Variants in LDHB observed in about 807,000 individuals in gnomAD.
LDHB encodes the protein lactate dehydrogenase B.
Under a neutral mutation model 33.4 loss-of-function variants are expected in LDHB, and 18 were observed. The ratio of observed to expected loss-of-function variants is 0.54; its 90% confidence interval spans 0.37 to 0.80. The LOEUF (loss-of-function observed/expected upper bound fraction) is 0.80. LDHB is among the 30% of genes least tolerant of loss of function. The pLI is 0.00. For missense variants in LDHB, 345 were observed against 407.9 expected, an observed-to-expected ratio of 0.85 and a Z score of 1.33; for synonymous variants, 121 against 140.6, an observed-to-expected ratio of 0.86 and a Z score of 0.98.
chr12:21,641,760 A>C (rs1404587643), intron 5 of LDHB, among the ~76,000 whole-genome samples, 192 bp downstream of exon 5: 1 of 152,182 alleles, frequency 6.6e-6, no homozygotes, highest in East Asian at 1.9e-4. Flanking sequence ...AGGTAAAGAT[A>C]GATGATAGGT....
intron 4 of LDHB, chr12:21,643,653 T>C (rs1229865397): frequency 2.5e-6 from 1 of 404,776 alleles, no homozygotes; most frequent in East Asian, 4.3e-5. Context: ...CCCAGGATAA[T>C]CTTTATAAAA....
chr12:21,635,587 A>G lies in LDHB; in HGVS notation c.960T>C (p.Ser320=), dbSNP rs774694428. 1.9e-5 allele frequency: 31 copies of G among 1,612,684 alleles called. No homozygotes were observed. Among genetic ancestry groups the G allele is most frequent in the Non-Finnish European group, 2.4e-5 (28 of 1,179,944 alleles). Residue 320 remains serine, a synonymous_variant, in exon 8 of 8, where the codon AGT becomes AGC. Transcript: ENST00000350669. ...TCTGGATGTCCCACAGGGTATCTGC[A>G]CTTTTCTTGAGCTGAGCAACCTCAT... ...KDDEVAQLKK[S]ADTLWDIQKD...
At chr12:21,647,711 C>A (rs112818377) in intron 2 of LDHB, among the ~76,000 whole-genome samples, 268 of 152,084 alleles carry the variant, frequency 1.8e-3, no homozygotes, top group African/African-American at 6.0e-3. Context: ...GACGGAGTCT[C>A]GCTCCGTTGC....
chr12:21,655,193 A>C (rs935470112), intron 1 of LDHB, among the ~76,000 whole-genome samples: 1 of 152,248 alleles, frequency 6.6e-6, no homozygotes, highest in African/African-American at 2.4e-5. Context: ...ACTTTCATGA[A>C]GCCCATTAGA....
At chr12:21,649,712 G>T (rs1056817739) in intron 2 of LDHB, among the ~76,000 whole-genome samples, 2 of 152,092 alleles carry the variant, frequency 1.3e-5, no homozygotes, top group African/African-American at 4.8e-5. Context: ...GTGTGGACCA[G>T]ACACAGCCAT....
intron 5 of LDHB, among the ~76,000 whole-genome samples, chr12:21,639,521 G>C (rs957691023): frequency 1.3e-5 from 2 of 151,808 alleles, no homozygotes; most frequent in Non-Finnish European, 2.9e-5. Context: ...TCCTGAACTA[G>C]AGGACATGTA....
intron 6 of LDHB, chr12:21,637,501 A>G (rs928824557): frequency 7.7e-5 from 20 of 258,504 alleles, no homozygotes; most frequent in Non-Finnish European, 1.0e-4. Flanking sequence ...ATCTGTAAAC[A>G]TATTTCCAAA....
chr12:21,645,751 T>C (rs1938507205), intron 3 of LDHB, among the ~76,000 whole-genome samples: 1 of 152,152 alleles, frequency 6.6e-6, no homozygotes, highest in Non-Finnish European at 1.5e-5. Flanking sequence ...CCGATAATGA[T>C]CAATAAATAC....
chr12:21,654,231 A>G, intron 2 of LDHB: 1 of 350,376 alleles, frequency 2.9e-6, no homozygotes, highest in Non-Finnish European at 5.4e-6. Context: ...CTGAGGTGAA[A>G]ATAGCTATAA....
At position 21,647,856 on chromosome 12, in the gene LDHB, C is replaced by A. The variant is rs138757606; in HGVS notation, c.130-840G>T. On this transcript the variant is annotated intron_variant, in intron 2 of 7. Transcript: ENST00000350669. The stretch of plus-strand genomic sequence containing the variant: ...GGATTACAGGTACGTGCCACCACAC[C>A]CAGCTAATTTTTGTATTTTTAGTAG... Among the ~76,000 whole-genome samples, 907 of 152,022 alleles carry A rather than the reference C, an allele frequency of 6.0e-3. 5 individuals are homozygous for A. The highest frequency in any genetic ancestry group is 0.02 in the African/African-American group (820 of 41,462).
intron 3 of LDHB, 33 bp downstream of exon 3, chr12:21,646,866 T>C (rs1481126939): frequency 2.4e-6 from 3 of 1,262,940 alleles, no homozygotes; most frequent in Non-Finnish European, 3.5e-6. Context: ...ATGAAAAAAA[T>C]ATTAGATCAC....
At chr12:21,657,037 A>C (rs1938868983) in intron 1 of LDHB, 1 of 151,704 alleles carries the variant, frequency 6.6e-6, no homozygotes, top group African/African-American at 2.4e-5. Context: ...TCCTCAGGGC[A>C]CCGGCAGCAA....
chr12:21,635,775 A>C (rs1591825503), intron 7 of LDHB, 66 bp from the exon 8 acceptor site: 1 of 1,457,298 alleles, frequency 6.9e-7, no homozygotes, highest in Non-Finnish European at 9.5e-7. Context: ...CAAAGACAGG[A>C]GGCTGAGGTG....
At chr12:21,643,296 G>T (rs1162136684) in intron 4 of LDHB, among the ~76,000 whole-genome samples, 7 of 152,130 alleles carry the variant, frequency 4.6e-5, no homozygotes, top group Admixed American at 6.6e-5. Context: ...TAATTTTGGT[G>T]GCAAACTATA....
chr12:21,641,091 G>A (rs1938358998), intron 5 of LDHB, among the ~76,000 whole-genome samples: 1 of 152,134 alleles, frequency 6.6e-6, no homozygotes, highest in South Asian at 2.1e-4. Context: ...ATTAATAGAT[G>A]CTAAATTTAG....
chr12:21,638,201 C>CATAG, intron 6 of LDHB, 152 bp downstream of exon 6: 2 of 611,590 alleles, frequency 3.3e-6, no homozygotes, highest in South Asian at 4.0e-5. Flanking sequence ...GCAAGTTTGA[C>CATAG]CAGTGTAAAA....
chr12:21,655,426 T>C (rs1938814142), intron 1 of LDHB, among the ~76,000 whole-genome samples: 2 of 152,278 alleles, frequency 1.3e-5, no homozygotes. Flanking sequence ...TAATTTCTAC[T>C]ACTAATGGTT....
chr12:21,639,080 G>C (rs1228969313), intron 5 of LDHB, among the ~76,000 whole-genome samples: 1 of 151,914 alleles, frequency 6.6e-6, no homozygotes, highest in Non-Finnish European at 1.5e-5. Flanking sequence ...AGGAGCAAAA[G>C]TGTGGGGTAG....
At chr12:21,651,653 T>C (rs1650309) in intron 2 of LDHB, among the ~76,000 whole-genome samples, 8,384 of 152,304 alleles carry the variant, frequency 0.055, 740 homozygotes, top group African/African-American at 0.19. Flanking sequence ...TCCTCTGACA[T>C]GTTACAGAAA....
Sources: allele counts gnomAD v4.1 joint callset (sites outside exome capture counted in the v4.1 genomes callset), GRCh38; gene constraint gnomAD v4.1.1; transcripts MANE v1.5; gene names NCBI Gene and HGNC (gene_info 2026-07-23, HGNC 2026-07-21).